Variants in SNURF observed in about 807,000 individuals in gnomAD.
SNURF encodes the protein SNURF protein.
SNURF carries 6 observed loss-of-function variants against 11.6 expected under a neutral mutation model. The ratio of observed to expected loss-of-function variants is 0.52; its 90% CI spans 0.28 to 1.02. The LOEUF (loss-of-function observed/expected upper bound fraction) is 1.02. Among genes scored for constraint, SNURF ranks in the 50% least tolerant of loss-of-function variants. The probability of loss-of-function intolerance (pLI) is 0.09; values close to 1 mark genes in which losing one functional copy is unlikely to be tolerated. For synonymous variants in SNURF, 29 were observed against 31.6 expected, an observed-to-expected ratio of 0.92 and a Z score of 0.27; for missense variants, 84 against 88.4, an observed-to-expected ratio of 0.95 and a Z score of 0.20.
At chr15:24,977,881 C>G, downstream of SNURF, 1 of 1,593,466 alleles carries the variant, frequency 6.3e-7, no homozygotes, top group Non-Finnish European at 8.5e-7. Context: ...CGGGGCACTC[C>G]GCCCCCACCC....
At chr15:24,974,580 A>T in intron 3 of SNURF, 1 of 910,728 alleles carries the variant, frequency 1.1e-6, no homozygotes, top group East Asian at 2.4e-5. Flanking sequence ...ATGGATATGG[A>T]TTCTCATTGC....
intron 3 of SNURF, chr15:24,974,811 G>A (rs2153684552): frequency 4.6e-6 from 3 of 651,768 alleles, no homozygotes; most frequent in South Asian, 1.7e-5. Flanking sequence ...CACCCACCTC[G>A]GCCTCCCAAA....
rs552367197 is a variant in SNURF at position 24,968,256 on chromosome 15, C to T, written c.*219C>T. ...GGACCTTAAATTTTCTGCCCTGACA[C>T]TTTCGTCATGTTTCTGTATTCCAGT... is the stretch of plus-strand genomic sequence containing the variant. On this transcript the variant is annotated 3_prime_UTR_variant, in exon 3 of 3. Transcript: ENST00000577949. 300 of 518,106 alleles carry T rather than the reference C, an allele frequency of 5.8e-4. 1 individual carries two copies. Among genetic ancestry groups the T allele is most frequent in the African/African-American group, 5.4e-3 (283 of 51,934 alleles). 32.1% of individuals were successfully genotyped at this position (518,106 alleles called of 1,614,324 possible). A position where few individuals can be genotyped will look rare whatever the true frequency, so the allele number is the denominator to read the frequency against.
downstream of SNURF, chr15:24,977,891 C>A: frequency 6.3e-7 from 1 of 1,580,208 alleles, no homozygotes. Flanking sequence ...CGCCCCCACC[C>A]GTCGGCAGAG....
exon 6 of SNURF, chr15:24,976,932 G>A (rs1247927489): frequency 6.2e-7 from 1 of 1,608,504 alleles, no homozygotes; most frequent in South Asian, 1.1e-5. Flanking sequence ...GGGGTTGGTA[G>A]GGCAGCTGGT....
intron 1 of SNURF, among the ~76,000 whole-genome samples, chr15:24,961,859 A>G (rs1454266577): frequency 2.6e-5 from 4 of 152,106 alleles, no homozygotes; most frequent in Middle Eastern, 3.2e-3. Flanking sequence ...AGGTAGATAT[A>G]TTATTTTAAT....
At chr15:24,978,203 T>C, downstream of SNURF, 2 of 1,613,870 alleles carry the variant, frequency 1.2e-6, no homozygotes, top group Middle Eastern at 1.7e-4. Context: ...GCATTATGGC[T>C]CCTCCACCTG....
At chr15:24,976,128 A>G (rs983333422) in intron 4 of SNURF, among the ~76,000 whole-genome samples, 3 of 152,234 alleles carry the variant, frequency 2.0e-5, no homozygotes, top group African/African-American at 4.8e-5. Flanking sequence ...AAATAGCTTC[A>G]CTATTTACCC....
chr15:24,957,535 C>T (rs2063127720), intron 1 of SNURF, among the ~76,000 whole-genome samples: 1 of 152,098 alleles, frequency 6.6e-6, no homozygotes, highest in African/African-American at 2.4e-5. Flanking sequence ...TTTTGTCTTC[C>T]TTTGCAGGAT....
At chr15:24,968,629 A>G (rs1157997814), downstream of SNURF, among the ~76,000 whole-genome samples, 2 of 152,200 alleles carry the variant, frequency 1.3e-5, no homozygotes, top group Non-Finnish European at 2.9e-5. Flanking sequence ...CATTATTTTA[A>G]TTCAAATATG....
chr15:24,960,782 A>G (rs1196185741), intron 1 of SNURF, among the ~76,000 whole-genome samples: 1 of 152,186 alleles, frequency 6.6e-6, no homozygotes, highest in East Asian at 1.9e-4. Flanking sequence ...ACCAAACTTG[A>G]AAAAATACTT....
At chr15:24,969,124 T>C (rs930336267), downstream of SNURF, among the ~76,000 whole-genome samples, 2 of 152,038 alleles carry the variant, frequency 1.3e-5, no homozygotes, top group Admixed American at 1.3e-4. Flanking sequence ...CCATTTTGAG[T>C]TATTAATTAA....
chr15:24,966,274 A>G (rs967495101), intron 2 of SNURF, among the ~76,000 whole-genome samples: 14 of 148,072 alleles, frequency 9.5e-5, no homozygotes, highest in Admixed American at 9.2e-4. Flanking sequence ...AGAAAGTGCT[A>G]TACTTACTAG....
intron 6 of SNURF, chr15:24,977,764 C>T (rs2077231426): frequency 1.3e-6 from 2 of 1,581,630 alleles, no homozygotes; most frequent in Non-Finnish European, 1.7e-6. Context: ...CTGTTTCCCG[C>T]CCTGCCTTCT....
intron 6 of SNURF, chr15:24,977,063 G>A: frequency 6.6e-7 from 1 of 1,512,298 alleles, no homozygotes; most frequent in Non-Finnish European, 8.9e-7. Flanking sequence ...ATATTATTGG[G>A]AGAATATGAC....
At chr15:24,967,259 C>T (rs1333877812) in intron 2 of SNURF, 1 of 152,454 alleles carries the variant, frequency 6.6e-6, no homozygotes, top group Non-Finnish European at 1.5e-5. Context: ...CTTAAGTATC[C>T]ACTAGTCCCT....
intron 6 of SNURF, among the ~76,000 whole-genome samples, chr15:24,977,227 G>A (rs2732019): frequency 0.16 from 23,629 of 152,168 alleles, 2,972 homozygotes; most frequent in African/African-American, 0.35. Flanking sequence ...AAGTTACCCA[G>A]GTTACTCTTG....
chr15:24,955,355 G>C (rs911136307), intron 1 of SNURF, among the ~76,000 whole-genome samples: 3 of 151,852 alleles, frequency 2.0e-5, no homozygotes, highest in Non-Finnish European at 4.4e-5. Context: ...GTGGTGACTG[G>C]GAGCATGCGG....
downstream of SNURF, chr15:24,978,388 G>A: frequency 6.2e-7 from 1 of 1,613,968 alleles, no homozygotes; most frequent in Non-Finnish European, 8.5e-7. Context: ...TTTTCTCAAT[G>A]TTTCTATTTC....
Sources: gnomAD v4.1 joint callset for allele counts (sites outside exome capture counted in the v4.1 genomes callset) on GRCh38, gnomAD v4.1.1 for gene constraint, MANE v1.5 for transcripts, NCBI Gene and HGNC (gene_info 2026-07-23, HGNC 2026-07-21) for gene names.